GSAP: variants seen among roughly 807,000 people sequenced by gnomAD.
GSAP encodes the protein gamma-secretase activating protein, also known as gamma-secretase-activating protein.
GSAP carries 118 observed loss-of-function variants against 131.7 expected under a neutral mutation model. The observed-to-expected ratio is 0.90, with a 90% CI of 0.77 to 1.04. The LOEUF is 1.04. Among genes scored for constraint, GSAP ranks in the 50% least tolerant of loss-of-function variants. GSAP has a pLI of 0.00. For missense variants in GSAP, 1,019 were observed against 1,013.2 expected, an observed-to-expected ratio of 1.01 and a Z score of -0.08; for synonymous variants, 381 against 363.4, an observed-to-expected ratio of 1.05 and a Z score of -0.55.
At chr7:77,365,321 ATT>A (rs975096662) in intron 12 of GSAP, among the ~76,000 whole-genome samples, 2 of 151,904 alleles carry the variant, frequency 1.3e-5, no homozygotes, top group African/African-American at 4.8e-5. Flanking sequence ...TTTACAGATA[ATT>A]TCATCACCCA....
At chr7:77,376,798 G>C in intron 10 of GSAP, 50 bp downstream of exon 10, 1 of 731,646 alleles carries the variant, frequency 1.4e-6, no homozygotes, top group Non-Finnish European at 2.3e-6. Context: ...AAAAAAAAGA[G>C]AGTAATGTAT....
intron 9 of GSAP, 102 bp from the exon 10 acceptor site, chr7:77,377,009 G>C: frequency 1.4e-6 from 1 of 724,714 alleles, no homozygotes; most frequent in Non-Finnish European, 2.3e-6. Flanking sequence ...AAAATGTAAT[G>C]ATTAGTGAAC....
intron 6 of GSAP, among the ~76,000 whole-genome samples, chr7:77,385,237 T>C (rs1002616296): frequency 6.6e-6 from 1 of 152,142 alleles, no homozygotes; most frequent in African/African-American, 2.4e-5. Context: ...TTTTGCCACG[T>C]TGGCCAGGCT....
intron 16 of GSAP, among the ~76,000 whole-genome samples, chr7:77,354,945 A>G (rs1793432925): frequency 1.3e-5 from 2 of 152,198 alleles, no homozygotes. Flanking sequence ...TTATTTACTG[A>G]GCTCTTCATT....
chr7:77,348,355 C>T (rs769433850), intron 19 of GSAP, among the ~76,000 whole-genome samples: 1 of 152,070 alleles, frequency 6.6e-6, no homozygotes. Context: ...ATGCTTTTGC[C>T]TGGAAACACA....
chr7:77,352,897 C>T (rs771626677), intron 18 of GSAP, 47 bp downstream of exon 18: 1 of 1,099,708 alleles, frequency 9.1e-7, no homozygotes, highest in Admixed American at 1.7e-5. Flanking sequence ...TGACCCACAA[C>T]TGTGAATTGA....
intron 19 of GSAP, among the ~76,000 whole-genome samples, chr7:77,339,987 C>T (rs1021578253): frequency 6.6e-6 from 1 of 152,184 alleles, no homozygotes; most frequent in Non-Finnish European, 1.5e-5. Flanking sequence ...GTGACCTACA[C>T]GTATACATCC....
chr7:77,320,693 T>C (rs779493684), intron 26 of GSAP, 32 bp downstream of exon 26: 2 of 1,231,274 alleles, frequency 1.6e-6, no homozygotes, highest in South Asian at 1.2e-5. Context: ...AATAAATTTA[T>C]TATACCAAAG....
intron 14 of GSAP, among the ~76,000 whole-genome samples, chr7:77,357,364 C>T (rs1793906128): frequency 6.6e-6 from 1 of 152,148 alleles, no homozygotes; most frequent in African/African-American, 2.4e-5. Context: ...GCAGATGTGA[C>T]TAGGATCTTG....
chr7:77,414,764 GT>G, intron 1 of GSAP, among the ~76,000 whole-genome samples: 1 of 147,692 alleles, frequency 6.8e-6, no homozygotes, highest in Non-Finnish European at 1.5e-5. Context: ...AGAAAAAGGA[GT>G]ACTTGGTAGT....
chr7:77,372,714 G>A (rs897076659), intron 12 of GSAP, among the ~76,000 whole-genome samples: 6 of 152,178 alleles, frequency 3.9e-5, no homozygotes, highest in South Asian at 2.1e-4. Flanking sequence ...GCGAGCTTGC[G>A]CATTCTCAAA....
intron 1 of GSAP, among the ~76,000 whole-genome samples, chr7:77,406,535 T>G (rs188013580): frequency 1.2e-4 from 18 of 152,380 alleles, no homozygotes; most frequent in East Asian, 1.9e-4. Flanking sequence ...ACTGTTAGGC[T>G]CTAAGCTGAG....
At chr7:77,381,582 T>TCTGCTC (rs1262902837) in intron 7 of GSAP, among the ~76,000 whole-genome samples, 1 of 152,198 alleles carries the variant, frequency 6.6e-6, no homozygotes, top group East Asian at 1.9e-4. Flanking sequence ...CTGCATTTAT[T>TCTGCTC]CTGCTCCTCA....
At chr7:77,386,742 G>A (rs1339825563) in intron 6 of GSAP, among the ~76,000 whole-genome samples, 1 of 152,172 alleles carries the variant, frequency 6.6e-6, no homozygotes, top group Non-Finnish European at 1.5e-5. Context: ...GAAAACAACT[G>A]TCATTTTAGT....
At chr7:77,325,791 G>A (rs755932800) in intron 23 of GSAP, among the ~76,000 whole-genome samples, 36 of 152,124 alleles carry the variant, frequency 2.4e-4, no homozygotes, top group Non-Finnish European at 3.4e-4. Context: ...GGCTGGTCTC[G>A]AACTCCTGAC....
At chr7:77,345,340 C>T (rs1043983577) in intron 19 of GSAP, among the ~76,000 whole-genome samples, 13 of 152,148 alleles carry the variant, frequency 8.5e-5, no homozygotes, top group African/African-American at 3.1e-4. Flanking sequence ...CGAAGCAGCC[C>T]TGAGAAACAT....
chr7:77,340,855 C>G (rs955687108), intron 19 of GSAP, among the ~76,000 whole-genome samples: 2 of 152,090 alleles, frequency 1.3e-5, no homozygotes, highest in African/African-American at 4.8e-5. Flanking sequence ...GGGCTGCTCA[C>G]TACCCCCACC....
intron 2 of GSAP, among the ~76,000 whole-genome samples, chr7:77,405,569 GCT>G (rs1802120041): frequency 6.6e-6 from 1 of 151,858 alleles, no homozygotes; most frequent in African/African-American, 2.4e-5. Flanking sequence ...ACAGGGTTTC[GCT>G]CTGTCACCCA....
intron 3 of GSAP, among the ~76,000 whole-genome samples, chr7:77,397,618 C>T (rs1010861352): frequency 2.0e-5 from 3 of 152,102 alleles, no homozygotes; most frequent in East Asian, 1.9e-4. Context: ...ATGTTGGCAC[C>T]GATATTTAGC....
Sources: gnomAD v4.1 joint callset for allele counts (sites outside exome capture counted in the v4.1 genomes callset) on GRCh38, gnomAD v4.1.1 for gene constraint, MANE v1.5 for transcripts, NCBI Gene and HGNC (gene_info 2026-07-23, HGNC 2026-07-21) for gene names.